Variants in ATP2B1 observed in about 807,000 individuals in gnomAD.
The protein encoded by ATP2B1 is ATPase plasma membrane Ca2+ transporting 1, also known as plasma membrane calcium-transporting ATPase 1.
Under a neutral mutation model 124.2 loss-of-function variants are expected in ATP2B1, and 14 were observed. The ratio of observed to expected loss-of-function variants is 0.11; its 90% confidence interval spans 0.07 to 0.18. ATP2B1 has a LOEUF of 0.18. Ranked by LOEUF, ATP2B1 falls within the 10% of genes least tolerant of loss-of-function variation. The pLI, the probability that ATP2B1 is intolerant of heterozygous loss-of-function variation, is 1.00. For synonymous variants in ATP2B1, 449 were observed against 492.4 expected (o/e 0.91, Z 1.17); for missense variants, 763 against 1,466.1 (o/e 0.52, Z 7.83).
At chr12:89,638,675 AT>A (rs1883058109) in intron 3 of ATP2B1, among the ~76,000 whole-genome samples, 1 of 152,160 alleles carries the variant, frequency 6.6e-6, no homozygotes, top group Non-Finnish European at 1.5e-5. Flanking sequence ...TATACAATAG[AT>A]TATTATTTAA....
Position 89,589,920 on chromosome 12 carries a change from G to C in ATP2B1, c.*1064C>G, listed in dbSNP as rs1432911253. On this transcript the variant is annotated 3_prime_UTR_variant, in exon 21 of 21. Transcript: ENST00000428670. ...TCAAAATGCCAACAGCCCTCATGCT[G>C]TGTGAAGGTCTCTAAAGATTAGAAA... is the stretch of plus-strand genomic sequence containing the variant. 6.6e-6 allele frequency: 1 copy of C among 152,602 alleles called. No individual in the cohort carries two copies. Among genetic ancestry groups the C allele is most frequent in the Non-Finnish European group, 1.5e-5 (1 of 67,980 alleles). 9.5% of individuals were successfully genotyped at this position (152,602 alleles called of 1,614,324 possible).
At position 89,603,783 on chromosome 12, in the gene ATP2B1, C is replaced by T; in HGVS notation, c.2777G>A (p.Arg926His). ...ACCCAAAATATTCTTCATCATTGTA[C>T]GTGAGATGAGAGGCTTATTTCTACC... ...PYGRNKPLIS[R>H]TMMKNILGHA... Residue 926 changes from arginine to histidine, a missense_variant, in exon 17 of 21, where the codon CGT becomes CAT. Arg to His is a conservative substitution (Grantham distance 29, BLOSUM62 0). This residue lies in a region of ATP2B1 where 118 missense variants were observed against 240.3 expected (regional missense o/e 0.49). Coordinates refer to ENST00000428670, the MANE Select transcript of ATP2B1 (RefSeq NM_001366521.1). This position sits in a 1 kb window ranked among gnomAD's most constrained non-coding sequence, Gnocchi z 4.3. 6.2e-7 allele frequency: 1 copy of T among 1,614,052 alleles called. No individual in the cohort carries two copies. Among genetic ancestry groups the T allele is most frequent in the Non-Finnish European group, 8.5e-7 (1 of 1,179,970 alleles).
intron 1 of ATP2B1, among the ~76,000 whole-genome samples, chr12:89,703,631 C>T (rs1892114273): frequency 6.6e-6 from 1 of 152,036 alleles, no homozygotes; most frequent in Admixed American, 6.6e-5. Flanking sequence ...AAATGGCAGA[C>T]ATTAAGACAT....
chr12:89,657,792 G>A (rs1886133168), intron 1 of ATP2B1, among the ~76,000 whole-genome samples: 1 of 152,236 alleles, frequency 6.6e-6, no homozygotes. Context: ...GAGAATGACT[G>A]AACTGGAGAA....
chr12:89,621,414 A>T, intron 10 of ATP2B1, 135 bp downstream of exon 10: 1 of 626,934 alleles, frequency 1.6e-6, no homozygotes, highest in Non-Finnish European at 2.4e-6. Context: ...AAAAACCATT[A>T]TATAAATAAA....
intron 11 of ATP2B1, 116 bp downstream of exon 11, chr12:89,619,883 T>A: frequency 7.4e-7 from 1 of 1,346,022 alleles, no homozygotes; most frequent in Non-Finnish European, 1.0e-6. Flanking sequence ...TAAAAAACTC[T>A]GAGGTCCTAT....
chr12:89,588,180 G>A lies in ATP2B1; in HGVS notation c.*2804C>T, dbSNP rs1872959312. 1 of 152,534 alleles carries A rather than the reference G, an allele frequency of 6.6e-6. No individual in the cohort carries two copies. The highest frequency in any genetic ancestry group is 2.4e-5 in the African/African-American group (1 of 41,406). The allele number at this position is 152,534 out of a possible 1,614,324, so 9.4% of individuals were successfully genotyped here. On this transcript the variant is annotated 3_prime_UTR_variant, in exon 21 of 21. Transcript: ENST00000428670. ...ATTGAAAGAAATCAACACCATCACG[G>A]TATCTCAGTTGGCTTACACGTGTAA...
At chr12:89,704,677 T>C (rs1294021164) in intron 1 of ATP2B1, among the ~76,000 whole-genome samples, 1 of 152,186 alleles carries the variant, frequency 6.6e-6, no homozygotes, top group Non-Finnish European at 1.5e-5. Context: ...CACAGGATTA[T>C]TGTGAGAATC....
intron 1 of ATP2B1, among the ~76,000 whole-genome samples, chr12:89,686,995 T>C (rs1565915571): frequency 1.3e-5 from 2 of 151,996 alleles, no homozygotes; most frequent in African/African-American, 2.4e-5. Context: ...CAACCACGAA[T>C]AGAAAATATT....
intron 3 of ATP2B1, among the ~76,000 whole-genome samples, chr12:89,636,035 T>C (rs958565258): frequency 6.6e-6 from 1 of 152,032 alleles, no homozygotes; most frequent in African/African-American, 2.4e-5. Context: ...CATAGTGATG[T>C]GCTATTAAAT....
chr12:89,592,699 A>G (rs1448789368), intron 20 of ATP2B1, among the ~76,000 whole-genome samples: 3 of 152,106 alleles, frequency 2.0e-5, no homozygotes, highest in Non-Finnish European at 4.4e-5. Context: ...CAACTATAAA[A>G]TGGGAAATAG....
intron 18 of ATP2B1, 74 bp downstream of exon 18, chr12:89,602,969 T>G: frequency 7.7e-7 from 1 of 1,306,016 alleles, no homozygotes; most frequent in South Asian, 1.3e-5. Flanking sequence ...CACAAGTGAT[T>G]GCTAGAACAA....
Position 89,620,153 on chromosome 12 carries a change from C to G in ATP2B1, c.1675G>C (p.Asp559His). ...LLGLLLDLKR[D>H]YQDVRNEIPE... The stretch of plus-strand genomic sequence containing the variant: ...ATTTCATTTCTAACATCCTGATAAT[C>G]CCGTTTTAAATCCAAAAGAAGTCCC... Residue 559 changes from aspartate (D) to histidine (H), a missense_variant, in exon 11 of 21, where the codon GAT (aspartate) becomes CAT (histidine). Physicochemically the swap from Asp to His is moderately conservative, Grantham distance 81 (BLOSUM62 -1). Transcript: ENST00000428670. 1 of 1,614,058 alleles carries G rather than the reference C, an allele frequency of 6.2e-7. No homozygotes were observed. Among genetic ancestry groups the G allele is most frequent in the Non-Finnish European group, 8.5e-7 (1 of 1,179,994 alleles).
intron 15 of ATP2B1, among the ~76,000 whole-genome samples, chr12:89,609,266 T>G (rs1592730807): frequency 6.6e-6 from 1 of 152,166 alleles, no homozygotes; most frequent in African/African-American, 2.4e-5. Flanking sequence ...GCTATGAATA[T>G]TCACACTAAG....
intron 6 of ATP2B1, 112 bp downstream of exon 6, chr12:89,630,388 CTTCTT>C (rs1279769601): frequency 5.2e-6 from 5 of 966,568 alleles, no homozygotes; most frequent in Non-Finnish European, 7.1e-6. Context: ...ATAGAAAAAT[CTTCTT>C]TTAACTTTTT....
chr12:89,647,342 A>C (rs1280901496), intron 2 of ATP2B1, among the ~76,000 whole-genome samples: 1 of 152,346 alleles, frequency 6.6e-6, no homozygotes, highest in Middle Eastern at 3.4e-3. Context: ...TGGAGAAATA[A>C]AAGTCTATAT....
At chr12:89,634,208 T>C (rs1360568328) in intron 5 of ATP2B1, among the ~76,000 whole-genome samples, 1 of 152,252 alleles carries the variant, frequency 6.6e-6, no homozygotes, top group African/African-American at 2.4e-5. Context: ...GCAAATTCAA[T>C]TCTGACTAGA....
At chr12:89,707,694 G>A (rs1036835776) in intron 1 of ATP2B1, among the ~76,000 whole-genome samples, 2 of 152,026 alleles carry the variant, frequency 1.3e-5, no homozygotes, top group Non-Finnish European at 2.9e-5. Flanking sequence ...GCCAAGCAGC[G>A]CACAGGGTGC....
rs1461303267 is a variant in ATP2B1, at chr12:89,588,395, T to G, written c.*2589A>C. The stretch of plus-strand genomic sequence containing the variant: ...TTTACAACCACAAAAAAGGCAATGA[T>G]GAGGAGAAAAGGATTTTTAAAAAAT... On this transcript the variant is annotated 3_prime_UTR_variant, in exon 21 of 21. Coordinates refer to ENST00000428670, the MANE Select transcript of ATP2B1 (RefSeq NM_001366521.1). The G allele has an allele frequency of 6.6e-6, 1 of 152,516 alleles. No homozygotes were observed. The highest frequency in any genetic ancestry group is 6.6e-5 in the Admixed American group (1 of 15,252). 9.4% of individuals were successfully genotyped at this position (152,516 alleles called of 1,614,324 possible). A position where few individuals can be genotyped will look rare whatever the true frequency, so the allele number is the denominator to read the frequency against.
Sources: gnomAD v4.1 joint callset for allele counts (sites outside exome capture counted in the v4.1 genomes callset) on GRCh38, gnomAD v4.1.1 for gene constraint, gnomAD v4.1.1 regional missense constraint, Gnocchi (gnomAD v3.1) non-coding constraint, MANE v1.5 for transcripts, NCBI Gene and HGNC (gene_info 2026-07-23, HGNC 2026-07-21) for gene names.